Variants in PKD2 observed in about 807,000 individuals in gnomAD.
PKD2 encodes polycystin-2.
In PKD2, 48 loss-of-function variants were observed where a neutral mutation model predicts 105.9. The ratio of observed to expected loss-of-function variants is 0.45; its 90% CI spans 0.36 to 0.58. PKD2 has a LOEUF of 0.58. Ranked by LOEUF, PKD2 falls within the 20% of genes least tolerant of loss-of-function variation. PKD2 has a pLI of 0.00. For missense variants in PKD2, 1,078 were observed against 1,255.3 expected, an observed-to-expected ratio of 0.86 and a Z score of 2.13; for synonymous variants, 464 against 481.1, an observed-to-expected ratio of 0.96 and a Z score of 0.46.
intron 7 of PKD2, among the ~76,000 whole-genome samples, chr4:88,053,413 C>T (rs1720188759): frequency 6.6e-6 from 1 of 152,168 alleles, no homozygotes; most frequent in Admixed American, 6.5e-5. Flanking sequence ...GTAATTCCAG[C>T]ATTTTGGGAG....
intron 2 of PKD2, among the ~76,000 whole-genome samples, chr4:88,021,224 A>G (rs149994237): frequency 7.9e-4 from 121 of 152,344 alleles, no homozygotes; most frequent in Admixed American, 2.2e-3. Flanking sequence ...CTGACTGAGC[A>G]TTAGAATCAC....
At position 88,007,955 on chromosome 4, in the gene PKD2, C is replaced by T. The variant is rs756922538; in HGVS notation, c.222C>T (p.Ser74=). The change falls in exon 1 of 15, where the codon TCC becomes TCT. Residue 74 remains serine, a synonymous_variant. Transcript: ENST00000237596. The part of the protein sequence containing the change: ...ARDPPAGAAA[S]PSPPLSSCSR... The stretch of plus-strand genomic sequence containing the variant: ...ACCCCCCGGCCGGAGCCGCGGCCTC[C>T]CCTTCTCCTCCGCTCTCGTCGTGCT... The T allele has an allele frequency of 6.8e-7, 1 of 1,480,692 alleles. No homozygotes were observed. 91.7% of individuals were successfully genotyped at this position (1,480,692 alleles called of 1,614,324 possible).
At chr4:88,057,957 T>C in intron 8 of PKD2, 26 bp from the exon 9 acceptor site, 2 of 1,547,410 alleles carry the variant, frequency 1.3e-6, no homozygotes, top group Non-Finnish European at 1.8e-6. Context: ...GTTTTTGTAT[T>C]GTGGTGTTTT....
At chr4:88,065,579 G>C in intron 11 of PKD2, 84 bp downstream of exon 11, 1 of 1,424,764 alleles carries the variant, frequency 7.0e-7, no homozygotes, top group Non-Finnish European at 9.9e-7. Context: ...CTAGCCCAAG[G>C]GCTCATACAG....
In PKD2 at chr4:88,051,303, A is replaced by T. The variant is rs548189038; in HGVS notation, c.1549-688A>T. ...AAGCCCAAGCTCATGCTTTGTTCTCATGGGCACTCATTTTTAGGATATCTT... is the reference window on the plus strand; with the variant it reads ...AAGCCCAAGCTCATGCTTTGTTCTCTTGGGCACTCATTTTTAGGATATCTT... On this transcript the variant is annotated intron_variant, in intron 6 of 14. Coordinates refer to ENST00000237596, the MANE Select transcript of PKD2 (RefSeq NM_000297.4). Among the ~76,000 whole-genome samples, 161 of 152,272 alleles carry T rather than the reference A, an allele frequency of 1.1e-3. 1 individual carries two copies. The highest frequency in any genetic ancestry group is 3.7e-3 in the African/African-American group (155 of 41,552).
rs6850829 is a variant in PKD2, at chr4:88,033,095, G to T, written c.710-3125G>T. Among the ~76,000 whole-genome samples the T allele has an allele frequency of 3.3e-5, 5 of 151,924 alleles. No individual in the cohort carries two copies. The South Asian group carries it at 6.3e-4, about 19-fold the overall frequency. On this transcript the variant is annotated intron_variant, in intron 2 of 14. Transcript: ENST00000237596. Reference sequence around the variant, plus strand: ...TGTGCCATGGACTTTCCTGGGACCTGGCACAGGAGAAGGACTGAGTTAATG... The same window carrying T: ...TGTGCCATGGACTTTCCTGGGACCTTGCACAGGAGAAGGACTGAGTTAATG...
At position 88,046,705 on chromosome 4, in the gene PKD2, G is replaced by A; in HGVS notation, c.1383G>A (p.Lys461=). ...VIPSWQFQPL[K]LIRYVTTFDF... Reference sequence around the variant, plus strand: ...CATCTTGGCAATTTCAGCCTTTAAAGCTGATCCGATATGTCACAACTTTTG... The same window carrying A: ...CATCTTGGCAATTTCAGCCTTTAAAACTGATCCGATATGTCACAACTTTTG... The change falls in exon 6 of 15, where the codon AAG becomes AAA. Residue 461 remains lysine, a synonymous_variant. Transcript: ENST00000237596. The A allele has an allele frequency of 3.1e-6, 5 of 1,613,990 alleles. No homozygotes were observed. Among genetic ancestry groups the A allele is most frequent in the Non-Finnish European group, 4.2e-6 (5 of 1,179,880 alleles).
chr4:88,030,022 A>C (rs1019834068), intron 2 of PKD2, among the ~76,000 whole-genome samples: 7 of 152,198 alleles, frequency 4.6e-5, no homozygotes, highest in African/African-American at 1.7e-4. Flanking sequence ...GATTCCTTTA[A>C]GTTTTAAGAG....
chr4:88,051,662 C>T (rs763492833), intron 6 of PKD2, among the ~76,000 whole-genome samples: 2 of 152,152 alleles, frequency 1.3e-5, no homozygotes, highest in Non-Finnish European at 2.9e-5. Context: ...AGAAAGCATT[C>T]CTCTTTGAGT....
Position 88,077,034 on chromosome 4 carries a change from T to A in PKD2, c.*1340T>A, listed in dbSNP as rs1721260950. 1 of 152,172 alleles carries A rather than the reference T, an allele frequency of 6.6e-6. No homozygotes were observed. The highest frequency in any genetic ancestry group is 1.9e-4 in the East Asian group (1 of 5,178). 9.4% of individuals were successfully genotyped at this position (152,172 alleles called of 1,614,324 possible). ...CCCAAATTTATGGGGAGAAATCTAT[T>A]TCTCAAAAAAAAAAATCTTCTTTTA... On this transcript the variant is annotated 3_prime_UTR_variant, in exon 15 of 15. Coordinates refer to ENST00000237596, the MANE Select transcript of PKD2 (RefSeq NM_000297.4).
At chr4:88,052,471 T>C (rs1041933554) in intron 7 of PKD2, among the ~76,000 whole-genome samples, 4 of 152,140 alleles carry the variant, frequency 2.6e-5, no homozygotes, top group Admixed American at 6.5e-5. Context: ...GGTCTCATTA[T>C]GTTGCCCAGG....
At position 88,021,821 on chromosome 4, in the gene PKD2, A is replaced by G. The variant is rs530129616; in HGVS notation, c.709+2250A>G. 2.0e-5 allele frequency among the ~76,000 whole-genome samples: 3 copies of G among 152,330 alleles called. No homozygotes were observed. The East Asian group carries it at 5.8e-4, about 29-fold the overall frequency. On this transcript the variant is annotated intron_variant, in intron 2 of 14. Coordinates refer to ENST00000237596, the MANE Select transcript of PKD2 (RefSeq NM_000297.4). ...TTGCTTTTCCAATTCAGCTCTTCGCAAGTTTGGAGACAAATACCTAATCTC... is the reference window on the plus strand; with the variant it reads ...TTGCTTTTCCAATTCAGCTCTTCGCGAGTTTGGAGACAAATACCTAATCTC...
intron 2 of PKD2, among the ~76,000 whole-genome samples, chr4:88,024,959 C>A (rs1726901097): frequency 6.6e-6 from 1 of 151,438 alleles, no homozygotes; most frequent in South Asian, 2.1e-4. Flanking sequence ...ATGGTGAAAC[C>A]CCATCTCTAC....
chr4:88,024,456 C>CG lies in PKD2; in HGVS notation c.709+4886dup, dbSNP rs200948851. Among the ~76,000 whole-genome samples, 213 of 42,894 alleles carry CG rather than the reference C, an allele frequency of 5.0e-3. 12 individuals are homozygous for CG. The highest frequency in any genetic ancestry group is 0.021 in the East Asian group (40 of 1,866). 28.1% of individuals were successfully genotyped at this position (42,894 alleles called of 152,430 possible). ...TGGGCAATAGAGCAACACTCTGTCT[C>CG]GAAAAAAAAAAAAAAAAAAAAAAAA... On this transcript the variant is annotated intron_variant, in intron 2 of 14. Coordinates refer to ENST00000237596, the MANE Select transcript of PKD2 (RefSeq NM_000297.4).
chr4:88,061,682 A>G (rs1578144663), intron 9 of PKD2, among the ~76,000 whole-genome samples: 1 of 152,092 alleles, frequency 6.6e-6, no homozygotes, highest in African/African-American at 2.4e-5. Flanking sequence ...AGGTTGCAGT[A>G]AGCTGAGGTC....
intron 13 of PKD2, among the ~76,000 whole-genome samples, chr4:88,074,441 C>A (rs1402534348): frequency 2.0e-5 from 3 of 152,136 alleles, no homozygotes; most frequent in African/African-American, 7.2e-5. Flanking sequence ...CCCTACCCCC[C>A]CATCAATTGT....
intron 1 of PKD2, 82 bp downstream of exon 1, chr4:88,008,410 TC>T: frequency 1.4e-6 from 2 of 1,436,374 alleles, no homozygotes; most frequent in Non-Finnish European, 1.8e-6. Context: ...CTGCGGCAGC[TC>T]CCCGGGCTCC....
chr4:88,015,977 G>A (rs1294101580), intron 1 of PKD2, among the ~76,000 whole-genome samples: 2 of 152,180 alleles, frequency 1.3e-5, no homozygotes, highest in African/African-American at 4.8e-5. Context: ...AGTGTTTGGG[G>A]ATGAAACTGT....
At chr4:88,022,456 G>C (rs1392478322) in intron 2 of PKD2, among the ~76,000 whole-genome samples, 1 of 152,160 alleles carries the variant, frequency 6.6e-6, no homozygotes, top group Non-Finnish European at 1.5e-5. Context: ...AAGATGATAG[G>C]AAAGACTTTT....
Sources: allele counts gnomAD v4.1 joint callset (sites outside exome capture counted in the v4.1 genomes callset), GRCh38; gene constraint gnomAD v4.1.1; transcripts MANE v1.5; gene names NCBI Gene and HGNC (gene_info 2026-07-23, HGNC 2026-07-21).